Variants in ARSB observed in about 807,000 individuals in gnomAD.
The protein encoded by ARSB is arylsulfatase B, also known as N-acetylgalactosamine-4-sulfatase.
Under a neutral mutation model 50.9 loss-of-function variants are expected in ARSB, and 41 were observed. That is an observed-to-expected ratio of 0.81 (90% CI 0.63 to 1.04). The LOEUF (loss-of-function observed/expected upper bound fraction) is 1.04. ARSB is among the 50% of genes least tolerant of loss of function. The probability of loss-of-function intolerance (pLI) is 0.00; values close to 1 mark genes in which losing one functional copy is unlikely to be tolerated. For missense variants in ARSB, 672 were observed against 693.3 expected (o/e 0.97, Z 0.35); for synonymous variants, 269 against 284.8 (o/e 0.94, Z 0.56).
chr5:78,959,628 T>C lies in ARSB; in HGVS notation c.691-4126A>G, dbSNP rs1751896144. Among the ~76,000 whole-genome samples, 3 of 152,202 alleles carry C rather than the reference T, an allele frequency of 2.0e-5. No individual in the cohort carries two copies. The South Asian group carries it at 6.2e-4, about 31-fold the overall frequency. On this transcript the variant is annotated intron_variant, in intron 3 of 7. Coordinates refer to ENST00000264914, the MANE Select transcript of ARSB (RefSeq NM_000046.5). ...ACTATACCAGTCCATGTCGGTACTA[T>C]AGCCCATTTCAAGAGGTCAGGACTG...
At chr5:78,788,807 T>G (rs1749166954) in intron 6 of ARSB, among the ~76,000 whole-genome samples, 1 of 152,186 alleles carries the variant, frequency 6.6e-6, no homozygotes, top group East Asian at 1.9e-4. Flanking sequence ...AAGAGGCCAC[T>G]ATGATTTTTG....
At chr5:78,871,038 C>A (rs2112150303) in intron 5 of ARSB, among the ~76,000 whole-genome samples, 1 of 150,106 alleles carries the variant, frequency 6.7e-6, no homozygotes, top group East Asian at 1.9e-4. Flanking sequence ...AACAGAGAGC[C>A]AAATCATGAG....
Position 78,964,481 on chromosome 5 carries a change from T to C in ARSB, c.625A>G (p.Met209Val), listed in dbSNP as rs1433460400. ...GEEVATGYKN[M>V]YSTNIFTKRA... ...TTGGTGAATATGTTTGTTGAATACA[T>C]ATTTTTATATCCTGTTGCAACTTCT... The change falls in exon 3 of 8, where the codon ATG becomes GTG. Residue 209 changes from methionine (M) to valine (V), a missense_variant. Met to Val is a conservative substitution (Grantham distance 21). Transcript: ENST00000264914. The C allele has an allele frequency of 1.9e-6, 3 of 1,614,116 alleles. No homozygotes were observed. The East Asian group carries it at 6.7e-5, about 36-fold the overall frequency.
At chr5:78,863,549 T>G (rs144049855) in intron 5 of ARSB, among the ~76,000 whole-genome samples, 1 of 141,972 alleles carries the variant, frequency 7.0e-6, no homozygotes, top group African/African-American at 2.6e-5. Context: ...TAGGTGGGAA[T>G]TGAACAATGA....
intron 5 of ARSB, among the ~76,000 whole-genome samples, chr5:78,850,489 ATGT>A (rs1408605370): frequency 0.02 from 2,982 of 149,318 alleles, 85 homozygotes; most frequent in African/African-American, 0.07. Flanking sequence ...TTTTGCATCA[ATGT>A]TCATCAAGGA....
intron 4 of ARSB, among the ~76,000 whole-genome samples, chr5:78,912,267 T>G (rs1415733034): frequency 6.6e-6 from 1 of 152,186 alleles, no homozygotes; most frequent in African/African-American, 2.4e-5. Context: ...CTGGCAACCT[T>G]AAGAGATCAC....
chr5:78,841,132 G>GTACTAC lies in ARSB; in HGVS notation c.1143-1712_1143-1707dup, dbSNP rs71613989. Among the ~76,000 whole-genome samples, 618 of 134,666 alleles carry GTACTAC rather than the reference G, an allele frequency of 4.6e-3. 6 individuals are homozygous for GTACTAC. Among genetic ancestry groups the GTACTAC allele is most frequent in the Middle Eastern group, 0.015 (4 of 270 alleles). 88.3% of individuals were successfully genotyped at this position (134,666 alleles called of 152,430 possible). ...TAGGCAACATACTGAGACCTGGTCT[G>GTACTAC]TACTACTACTACTACTACTACTACT... On this transcript the variant is annotated intron_variant, in intron 5 of 7. Transcript: ENST00000264914.
At chr5:78,962,454 T>C (rs1296007474) in intron 3 of ARSB, among the ~76,000 whole-genome samples, 2 of 151,634 alleles carry the variant, frequency 1.3e-5, no homozygotes, top group African/African-American at 4.9e-5. Context: ...CATAGGAGAG[T>C]GATCGCCAAA....
intron 5 of ARSB, among the ~76,000 whole-genome samples, chr5:78,854,155 T>C (rs1323867698): frequency 6.6e-6 from 1 of 152,382 alleles, no homozygotes; most frequent in East Asian, 1.9e-4. Context: ...TCTGTGTCGC[T>C]CACGCTGGGA....
At chr5:78,825,190 G>A (rs1744383812) in intron 6 of ARSB, among the ~76,000 whole-genome samples, 1 of 152,124 alleles carries the variant, frequency 6.6e-6, no homozygotes, top group African/African-American at 2.4e-5. Context: ...GTCATCCTTG[G>A]AGCTGCCAAA....
At chr5:78,864,630 A>G (rs1746618213) in intron 5 of ARSB, among the ~76,000 whole-genome samples, 1 of 152,042 alleles carries the variant, frequency 6.6e-6, no homozygotes, top group Non-Finnish European at 1.5e-5. Flanking sequence ...CAGTCCCCCA[A>G]AGTCTTAACT....
intron 4 of ARSB, among the ~76,000 whole-genome samples, chr5:78,889,507 A>G (rs2112227236): frequency 6.6e-6 from 1 of 152,280 alleles, no homozygotes; most frequent in East Asian, 1.9e-4. Context: ...TTTCAGGGAG[A>G]TGGTTTTGCA....
At chr5:78,941,092 T>A (rs1160913113) in intron 4 of ARSB, among the ~76,000 whole-genome samples, 1 of 149,838 alleles carries the variant, frequency 6.7e-6, no homozygotes, top group Non-Finnish European at 1.5e-5. Flanking sequence ...GTTTGTCTGT[T>A]ATTGGTGTAT....
rs528653613 is a variant in ARSB at position 78,864,781 on chromosome 5, C to T, written c.1142+20803G>A. Among the ~76,000 whole-genome samples, 6 of 152,310 alleles carry T rather than the reference C, an allele frequency of 3.9e-5. No individual in the cohort carries two copies. In the South Asian group the frequency reaches 6.2e-4, roughly 16 times the overall value. On this transcript the variant is annotated intron_variant, in intron 5 of 7. Transcript: ENST00000264914. Reference sequence around the variant, plus strand: ...GGGGGATACAGACATTGGGTAAATCCGACCATTCCAAATGGGAGAAATTGG... The same window carrying T: ...GGGGGATACAGACATTGGGTAAATCTGACCATTCCAAATGGGAGAAATTGG...
chr5:78,816,087 T>C (rs1743977835), intron 6 of ARSB: 5 of 1,613,996 alleles, frequency 3.1e-6, no homozygotes, highest in Non-Finnish European at 4.2e-6. Flanking sequence ...TGGTGGTAGC[T>C]ACAACAGCAG....
intron 6 of ARSB, among the ~76,000 whole-genome samples, chr5:78,836,400 C>A (rs1215689948): frequency 6.6e-6 from 1 of 152,140 alleles, no homozygotes; most frequent in African/African-American, 2.4e-5. Flanking sequence ...GAGTCCCAAG[C>A]TGGTGGGGAA....
At chr5:78,806,865 G>T (rs1743585774) in intron 6 of ARSB, among the ~76,000 whole-genome samples, 3 of 152,156 alleles carry the variant, frequency 2.0e-5, no homozygotes, top group Non-Finnish European at 4.4e-5. Context: ...TACCTCAAAT[G>T]GGCAGACATC....
intron 4 of ARSB, among the ~76,000 whole-genome samples, chr5:78,914,584 G>C (rs1323492327): frequency 6.6e-6 from 1 of 152,162 alleles, no homozygotes; most frequent in African/African-American, 2.4e-5. Flanking sequence ...CACCTTGTTG[G>C]ACAGAATGGC....
chr5:78,778,060 C>T lies in ARSB; in HGVS notation c.*2337G>A, dbSNP rs1748820765. The T allele has an allele frequency of 6.6e-6, 1 of 152,112 alleles. No homozygotes were observed. The highest frequency in any genetic ancestry group is 1.5e-5 in the Non-Finnish European group (1 of 68,010). The allele number at this position is 152,112 out of a possible 1,614,324, so 9.4% of individuals were successfully genotyped here. A position where few individuals can be genotyped will look rare whatever the true frequency, so the allele number is the denominator to read the frequency against. ...GGGTGCAGAACATCCCCCACTGTGC[C>T]TGAAAACCAAGGAACTAGAACTGGA... On this transcript the variant is annotated 3_prime_UTR_variant, in exon 8 of 8. Transcript: ENST00000264914.
Sources: gnomAD v4.1 joint callset for allele counts (sites outside exome capture counted in the v4.1 genomes callset) on GRCh38, gnomAD v4.1.1 for gene constraint, MANE v1.5 for transcripts, NCBI Gene and HGNC (gene_info 2026-07-23, HGNC 2026-07-21) for gene names.